Variants in LRP1B observed in about 807,000 individuals in gnomAD.
LRP1B encodes LDL receptor related protein 1B, also known as low-density lipoprotein receptor-related protein 1B.
Under a neutral mutation model 556.6 loss-of-function variants are expected in LRP1B, and 217 were observed. That is an observed-to-expected ratio of 0.39 (90% CI 0.35 to 0.44). The LOEUF is 0.44. LRP1B is among the 20% of genes least tolerant of loss of function. The pLI, the probability that LRP1B is intolerant of heterozygous loss-of-function variation, is 1.00. For missense variants in LRP1B, 5,053 were observed against 5,620.8 expected (o/e 0.90, Z 3.23); for synonymous variants, 2,047 against 1,865.8 (o/e 1.10, Z -2.50).
chr2:140,754,698 G>T (rs1688684999), intron 35 of LRP1B, among the ~76,000 whole-genome samples: 1 of 151,590 alleles, frequency 6.6e-6, no homozygotes, highest in South Asian at 2.1e-4. Context: ...AAAATTTATA[G>T]CTGCAAATGC....
At chr2:141,056,808 CCA>C (rs1229193670) in intron 9 of LRP1B, among the ~76,000 whole-genome samples, 1 of 151,812 alleles carries the variant, frequency 6.6e-6, no homozygotes, top group Non-Finnish European at 1.5e-5. Flanking sequence ...CCCTTCAACT[CCA>C]GAGTTGTATA....
chr2:141,833,033 A>T (rs560534480), intron 1 of LRP1B, among the ~76,000 whole-genome samples: 1 of 151,784 alleles, frequency 6.6e-6, no homozygotes, highest in African/African-American at 2.4e-5. Context: ...TTTTCTCCCT[A>T]AGAGGAAAAT....
chr2:140,345,835 TATACAC>T (rs1681641811), intron 77 of LRP1B, among the ~76,000 whole-genome samples: 1 of 140,234 alleles, frequency 7.1e-6, no homozygotes, highest in Non-Finnish European at 1.5e-5. Context: ...TACATATATA[TATACAC>T]ATACACACAC....
At chr2:140,339,081 C>T (rs140039734) in intron 77 of LRP1B, among the ~76,000 whole-genome samples, 3 of 151,720 alleles carry the variant, frequency 2.0e-5, no homozygotes, top group African/African-American at 7.3e-5. Context: ...AAATACACAG[C>T]CAGTTTTGAG....
In LRP1B at chr2:140,982,330, A is replaced by G. The variant is rs1444084047; in HGVS notation, c.2771-54T>C. The G allele has an allele frequency of 6.4e-6, 7 of 1,089,882 alleles. No individual in the cohort carries two copies. The East Asian group carries it at 1.7e-4, about 26-fold the overall frequency. 67.5% of individuals were successfully genotyped at this position (1,089,882 alleles called of 1,614,324 possible). A position where few individuals can be genotyped will look rare whatever the true frequency, so the allele number is the denominator to read the frequency against. The stretch of plus-strand genomic sequence containing the variant: ...TCAATTTAGAGGCATTTTGAACATC[A>G]AGGATATAATTAAGCATGCAATATT... On this transcript the variant is annotated intron_variant, in intron 17 of 90. Coordinates refer to ENST00000389484, the MANE Select transcript of LRP1B (RefSeq NM_018557.3).
chr2:141,382,941 A>C (rs1422016225), intron 3 of LRP1B, among the ~76,000 whole-genome samples: 1 of 152,202 alleles, frequency 6.6e-6, no homozygotes, highest in African/African-American at 2.4e-5. Flanking sequence ...AAGGCAACTT[A>C]AAGAATGAGA....
At chr2:141,219,476 T>A (rs1682947040) in intron 6 of LRP1B, among the ~76,000 whole-genome samples, 1 of 152,152 alleles carries the variant, frequency 6.6e-6, no homozygotes, top group African/African-American at 2.4e-5. Context: ...TGGGGGAAGG[T>A]GTGACCGTGA....
At chr2:140,543,366 A>T (rs1386652137) in intron 43 of LRP1B, among the ~76,000 whole-genome samples, 1 of 111,236 alleles carries the variant, frequency 9.0e-6, no homozygotes, top group Non-Finnish European at 2.2e-5. Flanking sequence ...AGTAAAACTA[A>T]AAACTGGGTT....
In LRP1B at chr2:140,615,807, G is replaced by T. The variant is rs567742004; in HGVS notation, c.6800-14168C>A. 7.4e-5 allele frequency among the ~76,000 whole-genome samples: 11 copies of T among 147,864 alleles called. No homozygotes were observed. The East Asian group carries it at 2.2e-3, about 30-fold the overall frequency. On this transcript the variant is annotated intron_variant, in intron 41 of 90. Coordinates refer to ENST00000389484, the MANE Select transcript of LRP1B (RefSeq NM_018557.3). The stretch of plus-strand genomic sequence containing the variant: ...ACTTGTCCATATACAATAATATTTT[G>T]CCCAAACTGCTATCTTCATACTTAG...
At chr2:140,405,844 T>G (rs1193508484) in intron 66 of LRP1B, among the ~76,000 whole-genome samples, 1 of 152,166 alleles carries the variant, frequency 6.6e-6, no homozygotes, top group Non-Finnish European at 1.5e-5. Context: ...TAAATCATTC[T>G]ATGAAGCCAG....
At chr2:141,585,285 A>T (rs1687097006) in intron 2 of LRP1B, among the ~76,000 whole-genome samples, 1 of 152,186 alleles carries the variant, frequency 6.6e-6, no homozygotes, top group Admixed American at 6.5e-5. Context: ...CCTAAGATAA[A>T]TTATAAGTAT....
intron 80 of LRP1B, among the ~76,000 whole-genome samples, chr2:140,324,330 T>TG (rs1417793405): frequency 6.6e-6 from 1 of 151,986 alleles, no homozygotes; most frequent in Admixed American, 6.6e-5. Flanking sequence ...AAGCATTTTC[T>TG]GGGGGTTATT....
At chr2:141,766,001 G>GA (rs1431595621) in intron 2 of LRP1B, among the ~76,000 whole-genome samples, 2 of 152,146 alleles carry the variant, frequency 1.3e-5, no homozygotes, top group East Asian at 3.9e-4. Context: ...AGGAGCACGT[G>GA]AAAAAAATCA....
At chr2:141,098,893 G>C (rs1700390357) in intron 7 of LRP1B, among the ~76,000 whole-genome samples, 1 of 152,100 alleles carries the variant, frequency 6.6e-6, no homozygotes, top group Admixed American at 6.6e-5. Context: ...CCGATCTCAG[G>C]TAATCCGCCC....
At chr2:140,575,081 C>T (rs1260909780) in intron 43 of LRP1B, among the ~76,000 whole-genome samples, 2 of 152,278 alleles carry the variant, frequency 1.3e-5, no homozygotes, top group Non-Finnish European at 2.9e-5. Flanking sequence ...ATATACATTT[C>T]GCCCTGGGGA....
intron 1 of LRP1B, among the ~76,000 whole-genome samples, chr2:141,868,816 C>T (rs551784758): frequency 2.0e-5 from 3 of 151,990 alleles, no homozygotes; most frequent in African/African-American, 4.8e-5. Flanking sequence ...TAGATGTGTA[C>T]AAAGGAACAA....
chr2:141,580,868 GAAGGCAGT>G (rs1010266461), intron 2 of LRP1B, among the ~76,000 whole-genome samples: 1 of 152,216 alleles, frequency 6.6e-6, no homozygotes, highest in African/African-American at 2.4e-5. Context: ...CCAAATGGGA[GAAGGCAGT>G]AATTACACAT....
chr2:140,311,705 T>C (rs915257917), intron 83 of LRP1B, among the ~76,000 whole-genome samples: 2 of 151,868 alleles, frequency 1.3e-5, no homozygotes, highest in Non-Finnish European at 2.9e-5. Context: ...TAGAACCAAA[T>C]ATCCAGTTTT....
chr2:140,639,569 C>A (rs1396536390), intron 41 of LRP1B, among the ~76,000 whole-genome samples: 3 of 152,130 alleles, frequency 2.0e-5, no homozygotes, highest in Non-Finnish European at 2.9e-5. Flanking sequence ...ACAGTACTTG[C>A]TGCATTTTTA....
Sources: allele counts gnomAD v4.1 joint callset (sites outside exome capture counted in the v4.1 genomes callset), GRCh38; gene constraint gnomAD v4.1.1; transcripts MANE v1.5; gene names NCBI Gene and HGNC (gene_info 2026-07-23, HGNC 2026-07-21).